Variants in PLCB4 observed in about 807,000 individuals in gnomAD.
PLCB4 encodes phospholipase C beta 4, also known as 1-phosphatidylinositol 4,5-bisphosphate phosphodiesterase beta-4.
In PLCB4, 77 loss-of-function variants were observed where a neutral mutation model predicts 178.8. The observed-to-expected ratio is 0.43, with a 90% CI of 0.36 to 0.52. The LOEUF (loss-of-function observed/expected upper bound fraction) is 0.52, where lower values mean the gene tolerates loss of function less well. PLCB4 is among the 20% of genes least tolerant of loss of function. PLCB4 has a pLI of 0.00. For synonymous variants in PLCB4, 496 were observed against 490.8 expected, an observed-to-expected ratio of 1.01 and a Z score of -0.14; for missense variants, 1,024 against 1,453.4, an observed-to-expected ratio of 0.70 and a Z score of 4.80.
intron 3 of PLCB4, among the ~76,000 whole-genome samples, chr20:9,266,452 C>G (rs550261827): frequency 6.6e-6 from 1 of 152,114 alleles, no homozygotes; most frequent in Non-Finnish European, 1.5e-5. Context: ...CCACCTCACA[C>G]GTCTGAAATC....
At chr20:9,210,486 G>T (rs1053418018) in intron 2 of PLCB4, among the ~76,000 whole-genome samples, 1 of 152,136 alleles carries the variant, frequency 6.6e-6, no homozygotes, top group Non-Finnish European at 1.5e-5. Context: ...CATAGGTGAC[G>T]GAGTTGGCTG....
chr20:9,372,832 G>C (rs1602184511), intron 11 of PLCB4, among the ~76,000 whole-genome samples: 1 of 148,774 alleles, frequency 6.7e-6, no homozygotes, highest in Non-Finnish European at 1.5e-5. Context: ...GACTTTTTCT[G>C]TGACCTAGTG....
chr20:9,252,318 G>A (rs1443742588), intron 3 of PLCB4, among the ~76,000 whole-genome samples: 3 of 152,166 alleles, frequency 2.0e-5, no homozygotes, highest in Admixed American at 6.6e-5. Context: ...CATCATCTGC[G>A]AGCTTGTTAG....
intron 4 of PLCB4, among the ~76,000 whole-genome samples, chr20:9,322,947 T>C (rs1214967243): frequency 6.6e-6 from 1 of 152,142 alleles, no homozygotes; most frequent in Non-Finnish European, 1.5e-5. Context: ...GTTTGAAAAA[T>C]GGGAGTGATA....
At chr20:9,184,599 CA>C (rs56964078) in intron 2 of PLCB4, among the ~76,000 whole-genome samples, 3,861 of 118,162 alleles carry the variant, frequency 0.033, 36 homozygotes, top group African/African-American at 0.039. Context: ...CATTGTGCCT[CA>C]AAAAAAAAAA....
intron 3 of PLCB4, among the ~76,000 whole-genome samples, chr20:9,243,387 C>T (rs967028595): frequency 6.6e-6 from 1 of 152,164 alleles, no homozygotes; most frequent in African/African-American, 2.4e-5. Flanking sequence ...GGCAAGACTT[C>T]CTGCCAATAA....
At chr20:9,394,934 G>A (rs1242227423) in intron 18 of PLCB4, among the ~76,000 whole-genome samples, 5 of 151,984 alleles carry the variant, frequency 3.3e-5, no homozygotes, top group Non-Finnish European at 7.4e-5. Flanking sequence ...TTTTTTATTT[G>A]TGTGTCTTCA....
intron 19 of PLCB4, among the ~76,000 whole-genome samples, chr20:9,399,297 G>A (rs2038850999): frequency 6.6e-6 from 1 of 152,166 alleles, no homozygotes; most frequent in Non-Finnish European, 1.5e-5. Context: ...CACCTAGATG[G>A]CACAAGGCTC....
intron 3 of PLCB4, among the ~76,000 whole-genome samples, chr20:9,289,449 T>G (rs1022592773): frequency 2.6e-5 from 4 of 151,804 alleles, no homozygotes; most frequent in South Asian, 4.2e-4. Context: ...ATTATTCGGG[T>G]TTTTTTTGGA....
At chr20:9,246,914 A>G (rs7264748) in intron 3 of PLCB4, among the ~76,000 whole-genome samples, 1 of 152,198 alleles carries the variant, frequency 6.6e-6, no homozygotes, top group East Asian at 1.9e-4. Context: ...ATATAGGATT[A>G]CCAAAGAAAT....
chr20:9,203,213 G>C (rs2147198676), intron 2 of PLCB4, among the ~76,000 whole-genome samples: 1 of 151,828 alleles, frequency 6.6e-6, no homozygotes, highest in Middle Eastern at 3.4e-3. Context: ...TATGTTTGTT[G>C]AGAATGTGAC....
At chr20:9,155,307 T>C (rs138953829) in intron 2 of PLCB4, among the ~76,000 whole-genome samples, 4 of 152,276 alleles carry the variant, frequency 2.6e-5, no homozygotes, top group Admixed American at 2.6e-4. Context: ...TGAATAGTAT[T>C]CCATGGTGTA....
At position 9,421,421 on chromosome 20, in the gene PLCB4, T is replaced by A. The variant is rs1017129781; in HGVS notation, c.2279T>A (p.Leu760His). The A allele has an allele frequency of 6.2e-7, 1 of 1,613,816 alleles. No individual in the cohort carries two copies. The highest frequency in any genetic ancestry group is 8.5e-7 in the Non-Finnish European group (1 of 1,179,894). The change falls in exon 27 of 40, where the codon CTC (leucine) becomes CAC (histidine). Residue 760 changes from leucine to histidine, a missense_variant. Around this residue, in one of 7 missense-constraint regions of PLCB4, gnomAD observed 227 missense variants for 374.3 expected, o/e 0.61. Coordinates refer to ENST00000378473, the MANE Select transcript of PLCB4 (RefSeq NM_001377142.1). ...ACTCGCATGGTTATGAATAATGGACTCAATCCAGTTTACAATGAAGAGTCA... is the reference window on the plus strand; with the variant it reads ...ACTCGCATGGTTATGAATAATGGACACAATCCAGTTTACAATGAAGAGTCA... ...FRTRMVMNNG[L>H]NPVYNEESFV...
intron 3 of PLCB4, among the ~76,000 whole-genome samples, chr20:9,226,017 C>G (rs560072889): frequency 2.6e-5 from 4 of 152,174 alleles, no homozygotes; most frequent in African/African-American, 7.2e-5. Flanking sequence ...CTGCAACCAC[C>G]TTGCAGATCA....
intron 8 of PLCB4, among the ~76,000 whole-genome samples, chr20:9,363,727 T>C (rs754896059): frequency 1.2e-4 from 19 of 152,176 alleles, no homozygotes; most frequent in Non-Finnish European, 2.2e-4. Context: ...GTGGGGGCCA[T>C]CTGCCTTCAC....
intron 4 of PLCB4, among the ~76,000 whole-genome samples, chr20:9,312,353 T>TACACACACACACACACAC (rs34443371): frequency 1.6e-5 from 2 of 127,778 alleles, no homozygotes; most frequent in Non-Finnish European, 3.4e-5. Context: ...CCTTCCACCC[T>TACACACACACACACACAC]ACACACACAC....
Position 9,351,556 on chromosome 20 carries a change from C to G in PLCB4, c.370-11340C>G, listed in dbSNP as rs1304946257. Among the ~76,000 whole-genome samples the G allele has an allele frequency of 2.2e-4, 33 of 152,118 alleles. 1 individual carries two copies. The highest frequency in any genetic ancestry group is 2.2e-3 in the Admixed American group (33 of 15,268). On this transcript the variant is annotated intron_variant, in intron 7 of 39. Coordinates refer to ENST00000378473, the MANE Select transcript of PLCB4 (RefSeq NM_001377142.1). The stretch of plus-strand genomic sequence containing the variant: ...ATTTATTTTCCCTGTTTTTCCACTT[C>G]CACTTGTCTTCACTCCTCACTGTTT...
chr20:9,322,347 T>C (rs900759385), intron 4 of PLCB4, among the ~76,000 whole-genome samples: 7 of 152,202 alleles, frequency 4.6e-5, no homozygotes, highest in Non-Finnish European at 1.0e-4. Flanking sequence ...TTGATGGACA[T>C]AGACATAAAA....
chr20:9,437,135 G>T lies in PLCB4; in HGVS notation c.2747G>T (p.Gly916Val). 1 of 1,613,930 alleles carries T rather than the reference G, an allele frequency of 6.2e-7. No individual in the cohort carries two copies. ...ACCACCACGGCTGCCCTGGCCTCTG[G>T]TGTGGAAGCCAAGAAAGGTGAGAGA... is the stretch of plus-strand genomic sequence containing the variant. ...RPTTTAALAS[G>V]VEAKKGIELI... The change falls in exon 30 of 40, where the codon GGT becomes GTT. Residue 916 changes from glycine to valine, a missense_variant. Coordinates refer to ENST00000378473, the MANE Select transcript of PLCB4 (RefSeq NM_001377142.1).
Sources: allele counts gnomAD v4.1 joint callset (sites outside exome capture counted in the v4.1 genomes callset), GRCh38; gene constraint gnomAD v4.1.1; regional missense constraint gnomAD v4.1.1; transcripts MANE v1.5; gene names NCBI Gene and HGNC (gene_info 2026-07-23, HGNC 2026-07-21).